TNS3: variants seen among roughly 807,000 people sequenced by gnomAD.
TNS3 encodes tensin 3, also known as tensin-3.
Under a neutral mutation model 140.9 loss-of-function variants are expected in TNS3, and 45 were observed. The observed-to-expected ratio is 0.32, with a 90% CI of 0.25 to 0.41. TNS3 has a LOEUF of 0.41. TNS3 is among the 10% of genes least tolerant of loss of function. TNS3 has a pLI of 1.00. For missense variants in TNS3, 1,716 were observed against 1,906.7 expected (o/e 0.90, Z 1.86); for synonymous variants, 815 against 788.4 (o/e 1.03, Z -0.56).
At chr7:47,378,735 C>A (rs765312889) in intron 16 of TNS3, among the ~76,000 whole-genome samples, 3 of 152,168 alleles carry the variant, frequency 2.0e-5, no homozygotes, top group Non-Finnish European at 2.9e-5. Context: ...GAAGCATGTC[C>A]AAGTTTCATG....
chr7:47,305,677 C>G (rs1388767585), intron 20 of TNS3, among the ~76,000 whole-genome samples: 1 of 152,232 alleles, frequency 6.6e-6, no homozygotes, highest in African/African-American at 2.4e-5. Flanking sequence ...CTGCTTGTGT[C>G]CCATGCCTGA....
In TNS3 at chr7:47,276,273, A is replaced by G. The variant is rs1431347396; in HGVS notation, c.*1803T>C. ...TTGGTTTGGTGCATCAATAGGAGCTAAAAAGTGGAATGGTCCACCTGCTTT... is the reference window on the plus strand; with the variant it reads ...TTGGTTTGGTGCATCAATAGGAGCTGAAAAGTGGAATGGTCCACCTGCTTT... On this transcript the variant is annotated 3_prime_UTR_variant, in exon 31 of 31. Coordinates refer to ENST00000311160, the MANE Select transcript of TNS3 (RefSeq NM_022748.12). 3 of 183,538 alleles carry G rather than the reference A, an allele frequency of 1.6e-5. No individual in the cohort carries two copies. In the Admixed American group the frequency reaches 1.7e-4, roughly 10 times the overall value. 11.4% of individuals were successfully genotyped at this position (183,538 alleles called of 1,614,324 possible).
intron 4 of TNS3, among the ~76,000 whole-genome samples, chr7:47,443,875 C>T (rs745647603): frequency 6.6e-6 from 1 of 152,118 alleles, no homozygotes. Flanking sequence ...GAGCCAAGAT[C>T]GTGCCACTGC....
chr7:47,316,194 A>G (rs1787399761), intron 20 of TNS3, among the ~76,000 whole-genome samples: 1 of 147,762 alleles, frequency 6.8e-6, no homozygotes, highest in Non-Finnish European at 1.5e-5. Flanking sequence ...TATGCAGTTA[A>G]ATAGGAAGTA....
chr7:47,328,638 G>A (rs1387290280), intron 20 of TNS3, among the ~76,000 whole-genome samples: 3 of 152,272 alleles, frequency 2.0e-5, no homozygotes, highest in Admixed American at 6.5e-5. Context: ...CCCCCACCCC[G>A]GCAGGAGCCT....
chr7:47,350,382 GTC>G (rs1430440424), intron 17 of TNS3, among the ~76,000 whole-genome samples: 1 of 152,232 alleles, frequency 6.6e-6, no homozygotes, highest in Non-Finnish European at 1.5e-5. Flanking sequence ...TCTGCCAAGT[GTC>G]TAAGTAAATA....
intron 16 of TNS3, among the ~76,000 whole-genome samples, chr7:47,391,029 T>C (rs2470994): frequency 0.19 from 28,523 of 152,128 alleles, 3,552 homozygotes; most frequent in Non-Finnish European, 0.28. Flanking sequence ...GAAGCTGACA[T>C]TCCCCCGATC....
At chr7:47,511,950 T>C (rs1036862671) in intron 2 of TNS3, among the ~76,000 whole-genome samples, 2 of 152,218 alleles carry the variant, frequency 1.3e-5, no homozygotes, top group African/African-American at 2.4e-5. Flanking sequence ...GCTGCCACGG[T>C]GCCTTCCACG....
rs115158816 is a variant in TNS3, at chr7:47,308,889, C to T, written c.2651-3886G>A. Among the ~76,000 whole-genome samples the T allele has an allele frequency of 1.8e-3, 280 of 152,310 alleles. 1 individual carries two copies. Among genetic ancestry groups the T allele is most frequent in the Middle Eastern group, 6.8e-3 (2 of 294 alleles). The stretch of plus-strand genomic sequence containing the variant: ...ATGTCCCTAATGTCCTCCTACCCAA[C>T]GCTCAGTTGAATACGTATGGCGGAT... On this transcript the variant is annotated intron_variant, in intron 20 of 30. Transcript: ENST00000311160.
chr7:47,292,749 T>G, intron 26 of TNS3, 79 bp downstream of exon 26: 1 of 1,274,018 alleles, frequency 7.8e-7, no homozygotes, highest in Non-Finnish European at 1.1e-6. Flanking sequence ...TCTCAGTGGA[T>G]CTTCATGGAT....
chr7:47,574,494 A>G (rs1333779070), intron 1 of TNS3, among the ~76,000 whole-genome samples: 1 of 151,998 alleles, frequency 6.6e-6, no homozygotes, highest in African/African-American at 2.4e-5. Flanking sequence ...GCTTGTGCTC[A>G]CCAAAAAAAA....
At chr7:47,436,430 G>A in intron 7 of TNS3, among the ~76,000 whole-genome samples, 1 of 152,054 alleles carries the variant, frequency 6.6e-6, no homozygotes, top group East Asian at 1.9e-4. Flanking sequence ...AAATGATCAT[G>A]AAGGGTGAGG....
At chr7:47,282,985 G>A (rs140578116) in intron 28 of TNS3, among the ~76,000 whole-genome samples, 22 of 152,056 alleles carry the variant, frequency 1.4e-4, no homozygotes, top group Admixed American at 7.9e-4. Context: ...GTCCCCTGCC[G>A]GCCTGTCTGC....
In TNS3 at chr7:47,401,051, GAAC is replaced by G. The variant is rs1172137151; in HGVS notation, c.724-140_724-138del. The G allele has an allele frequency of 8.4e-6, 11 of 1,314,148 alleles. No homozygotes were observed. In the Admixed American group the frequency reaches 2.4e-4, roughly 29 times the overall value. The allele number at this position is 1,314,148 out of a possible 1,614,324, so 81.4% of individuals were successfully genotyped here. On this transcript the variant is annotated intron_variant, in intron 13 of 30. Coordinates refer to ENST00000311160, the MANE Select transcript of TNS3 (RefSeq NM_022748.12). ...GGCTGGGAGTTCACGCTTTGGAGTG[GAAC>G]TTCAGCCCTGGGGCACAGGCGCCTG...
At chr7:47,528,047 G>A (rs1028672831) in intron 2 of TNS3, among the ~76,000 whole-genome samples, 1 of 152,086 alleles carries the variant, frequency 6.6e-6, no homozygotes, top group Non-Finnish European at 1.5e-5. Context: ...TCTACTTAGC[G>A]ACCAGGGTGG....
At chr7:47,337,352 A>G (rs1479626344) in intron 20 of TNS3, among the ~76,000 whole-genome samples, 2 of 152,204 alleles carry the variant, frequency 1.3e-5, no homozygotes, top group East Asian at 1.9e-4. Context: ...AACTTAACAC[A>G]TGGGGCTTAT....
At chr7:47,528,896 A>AG (rs1799293982) in intron 2 of TNS3, 140 bp downstream of exon 2, 1 of 371,622 alleles carries the variant, frequency 2.7e-6, no homozygotes, top group Non-Finnish European at 4.8e-6. Flanking sequence ...GTAAGGGGGT[A>AG]GGGGGTTGGG....
At chr7:47,520,711 A>T (rs774326001) in intron 2 of TNS3, among the ~76,000 whole-genome samples, 1 of 152,214 alleles carries the variant, frequency 6.6e-6, no homozygotes, top group Non-Finnish European at 1.5e-5. Context: ...ACCAGAAATT[A>T]TTCAGATGAA....
chr7:47,431,733 A>T (rs1794941441), intron 8 of TNS3, among the ~76,000 whole-genome samples: 1 of 152,228 alleles, frequency 6.6e-6, no homozygotes, highest in Non-Finnish European at 1.5e-5. Context: ...AATAGAAAAG[A>T]TCAACAAAAC....
Sources: allele counts gnomAD v4.1 joint callset (sites outside exome capture counted in the v4.1 genomes callset), GRCh38; gene constraint gnomAD v4.1.1; transcripts MANE v1.5; gene names NCBI Gene and HGNC (gene_info 2026-07-23, HGNC 2026-07-21).